ABCA10: variants seen among roughly 807,000 people sequenced by gnomAD.
ABCA10 encodes the protein ATP binding cassette subfamily A member 10.
A neutral mutation model predicts 187.5 loss-of-function variants in ABCA10; 169 were observed. The ratio of observed to expected loss-of-function variants is 0.90; its 90% CI spans 0.80 to 1.02. The LOEUF is 1.02. Ranked by LOEUF, ABCA10 falls within the 50% of genes least tolerant of loss-of-function variation. The pLI, the probability that ABCA10 is intolerant of heterozygous loss-of-function variation, is 0.00. For synonymous variants in ABCA10, 574 were observed against 601.8 expected, an observed-to-expected ratio of 0.95 and a Z score of 0.68; for missense variants, 1,727 against 1,812.4, an observed-to-expected ratio of 0.95 and a Z score of 0.86.
Position 69,190,410 on chromosome 17 carries a change from A to G in ABCA10, c.2079T>C (p.Ser693=), listed in dbSNP as rs2144800944. 1 of 1,582,594 alleles carries G rather than the reference A, an allele frequency of 6.3e-7. No homozygotes were observed. Among genetic ancestry groups the G allele is most frequent in the South Asian group, 1.2e-5 (1 of 84,622 alleles). Residue 693 remains serine, a synonymous_variant, in exon 18 of 39, where the codon TCT becomes TCC. Transcript: ENST00000690296. ...GIRNYAVSVT[S]LNEVFLNLEG... is the part of the protein sequence containing the mutation. ...CTAGGTTCAAGAATACTTCATTCAG[A>G]GATGTCACTGAAACAGCATAATTCC...
chr17:69,239,804 T>G (rs193147012), intron 1 of ABCA10, among the ~76,000 whole-genome samples: 1 of 152,198 alleles, frequency 6.6e-6, no homozygotes, highest in East Asian at 1.9e-4. Flanking sequence ...TCTAGCTGTA[T>G]AGTGACGTTG....
At chr17:69,182,643 C>A (rs764910517) in intron 21 of ABCA10, 32 bp downstream of exon 21, 96 of 1,500,836 alleles carry the variant, frequency 6.4e-5, no homozygotes, top group Admixed American at 2.7e-4. Flanking sequence ...AAAAAAAAAC[C>A]AAAAAAAAAC....
At chr17:69,220,127 T>C (rs2074736350) in intron 5 of ABCA10, among the ~76,000 whole-genome samples, 1 of 152,172 alleles carries the variant, frequency 6.6e-6, no homozygotes, top group Admixed American at 6.5e-5. Context: ...TTAGTTACAA[T>C]TGAGCAACTA....
At chr17:69,150,187 C>T (rs970987596) in intron 36 of ABCA10, 124 bp from the exon 37 acceptor site, 7 of 615,750 alleles carry the variant, frequency 1.1e-5, no homozygotes, top group Non-Finnish European at 1.9e-5. Context: ...TTTGATATAG[C>T]ATGAATCAGT....
chr17:69,155,297 A>T (rs1210132631), intron 29 of ABCA10, among the ~76,000 whole-genome samples, 161 bp from the exon 30 acceptor site: 2 of 152,242 alleles, frequency 1.3e-5, no homozygotes, highest in African/African-American at 4.8e-5. Context: ...ATGTATGTTC[A>T]TAAATAAGGG....
chr17:69,217,770 C>T (rs1187694328), intron 6 of ABCA10, among the ~76,000 whole-genome samples: 2 of 152,158 alleles, frequency 1.3e-5, no homozygotes, highest in African/African-American at 4.8e-5. Flanking sequence ...GGGATACTTG[C>T]ATTTGGCAAT....
chr17:69,167,487 C>T (rs2074261997), intron 25 of ABCA10, among the ~76,000 whole-genome samples: 1 of 152,070 alleles, frequency 6.6e-6, no homozygotes, highest in Non-Finnish European at 1.5e-5. Flanking sequence ...ACAGGATTTA[C>T]AATAGAACTA....
Position 69,182,678 on chromosome 17 carries a change from C to T in ABCA10, c.2628G>A (p.Gln876=). Residue 876 remains glutamine (Q), a synonymous_variant, in exon 21 of 39, where the codon CAG becomes CAA. Transcript: ENST00000690296. The stretch of plus-strand genomic sequence containing the variant: ...CAGTGCATAGAAGCAAACATACCTT[C>T]TGGTCACCAGACACTATGATGGCTC... ...YNGAIIVSGD[Q]KDYRFSVACN... The T allele has an allele frequency of 6.3e-7, 1 of 1,594,510 alleles. No homozygotes were observed. The highest frequency in any genetic ancestry group is 8.5e-7 in the Non-Finnish European group (1 of 1,173,886).
At chr17:69,194,048 AAT>A (rs1365793476) in intron 12 of ABCA10, 59 bp from the exon 13 acceptor site, 2 of 1,430,034 alleles carry the variant, frequency 1.4e-6, no homozygotes, top group African/African-American at 1.5e-5. Context: ...GCAGAGTGAT[AAT>A]ATATGTTAGT....
intron 25 of ABCA10, among the ~76,000 whole-genome samples, chr17:69,166,517 TTGAA>T (rs1189150992): frequency 6.6e-6 from 1 of 152,150 alleles, no homozygotes; most frequent in Non-Finnish European, 1.5e-5. Context: ...TGCACTTTTT[TTGAA>T]ATACTTTGAA....
At chr17:69,154,374 A>G in intron 30 of ABCA10, 48 bp from the exon 31 acceptor site, 1 of 1,394,796 alleles carries the variant, frequency 7.2e-7, no homozygotes, top group Non-Finnish European at 9.9e-7. Context: ...AGGTTGACTA[A>G]TCTAAAATTG....
intron 19 of ABCA10, 51 bp from the exon 20 acceptor site, chr17:69,185,694 AT>A: frequency 1.4e-6 from 2 of 1,440,988 alleles, no homozygotes; most frequent in Non-Finnish European, 9.5e-7. Context: ...TCCTCTGGTT[AT>A]TTAAGTCACA....
intron 25 of ABCA10, among the ~76,000 whole-genome samples, chr17:69,167,325 G>A (rs1021855760): frequency 6.6e-6 from 1 of 152,146 alleles, no homozygotes; most frequent in African/African-American, 2.4e-5. Context: ...CAACATCATA[G>A]AAGAGAACCC....
rs953277867 is a variant in ABCA10, at chr17:69,204,682, A to G, written c.1007-3014T>C. Among the ~76,000 whole-genome samples, 4 of 152,372 alleles carry G rather than the reference A, an allele frequency of 2.6e-5. No homozygotes were observed. The South Asian group carries it at 6.2e-4, about 24-fold the overall frequency. On this transcript the variant is annotated intron_variant, in intron 9 of 38. Transcript: ENST00000690296. ...ATCATAGGCTTCAATAAGCAGTTAC[A>G]TTTTAAATGGATAAGTAGATTAAAC...
At chr17:69,150,658 C>A (rs1261138437) in intron 36 of ABCA10, among the ~76,000 whole-genome samples, 1 of 152,144 alleles carries the variant, frequency 6.6e-6, no homozygotes, top group Non-Finnish European at 1.5e-5. Flanking sequence ...TTCCTTCTAA[C>A]TCTCTAGGCC....
chr17:69,174,662 A>C lies in ABCA10; in HGVS notation c.2993T>G (p.Ile998Ser). ...GAATCCCAGAAATATGAAGTAGTAAATTAAATGTATTGAAAAGAGAATCAA... is the reference window on the plus strand; with the variant it reads ...GAATCCCAGAAATATGAAGTAGTAACTTAAATGTATTGAAAAGAGAATCAA... ...YFLILFSIHL[I>S]YYFIFLGFQL... is the part of the protein sequence containing the mutation. The change falls in exon 24 of 39, where the codon ATT (isoleucine) becomes AGT (serine). Residue 998 changes from isoleucine (I) to serine (S), a missense_variant. Ile to Ser is a moderately radical substitution (Grantham distance 142). Transcript: ENST00000690296. The C allele has an allele frequency of 6.2e-7, 1 of 1,612,058 alleles. No individual in the cohort carries two copies. Among genetic ancestry groups the C allele is most frequent in the Non-Finnish European group, 8.5e-7 (1 of 1,178,866 alleles).
At chr17:69,232,279 A>T (rs953358756), upstream of ABCA10, among the ~76,000 whole-genome samples, 1 of 151,996 alleles carries the variant, frequency 6.6e-6, no homozygotes, top group African/African-American at 2.4e-5. Flanking sequence ...TGCCATTTTG[A>T]TACCTGTTTT....
chr17:69,220,912 C>CA (rs528782713), intron 5 of ABCA10, among the ~76,000 whole-genome samples: 33 of 152,266 alleles, frequency 2.2e-4, no homozygotes, highest in African/African-American at 7.7e-4. Flanking sequence ...ATTTGGCCCC[C>CA]AGAGCCTAAA....
Position 69,182,749 on chromosome 17 carries a change from C to CT in ABCA10, c.2556dup (p.Asp853ArgfsTer2), listed in dbSNP as rs754083701. On this transcript the variant is annotated frameshift_variant, in exon 21 of 39. Coordinates refer to ENST00000690296, the MANE Select transcript of ABCA10 (RefSeq NM_001377321.1). LOFTEE classifies it high-confidence loss of function. ...GAGCCATTTCTGTTTCTAAAGTCAT[C>CT]TATTTCCAAAACTATATCCTGACAC... The CT allele has an allele frequency of 1.9e-6, 3 of 1,611,994 alleles. No individual in the cohort carries two copies. The South Asian group carries it at 3.3e-5, about 18-fold the overall frequency.
Sources: gnomAD v4.1 joint callset for allele counts (sites outside exome capture counted in the v4.1 genomes callset) on GRCh38, gnomAD v4.1.1 for gene constraint, MANE v1.5 for transcripts, NCBI Gene and HGNC (gene_info 2026-07-23, HGNC 2026-07-21) for gene names.